Variants in ENPP3 observed in about 807,000 individuals in gnomAD.
ENPP3 encodes ectonucleotide pyrophosphatase/phosphodiesterase 3.
Under a neutral mutation model 117.8 loss-of-function variants are expected in ENPP3, and 104 were observed. That is an observed-to-expected ratio of 0.88 (90% CI 0.75 to 1.04). The LOEUF (loss-of-function observed/expected upper bound fraction) is 1.04. Among genes scored for constraint, ENPP3 ranks in the 50% least tolerant of loss-of-function variants. The pLI is 0.00. For synonymous variants in ENPP3, 380 were observed against 349.9 expected, an observed-to-expected ratio of 1.09 and a Z score of -0.96; for missense variants, 1,026 against 1,051.9, an observed-to-expected ratio of 0.98 and a Z score of 0.34.
At chr6:131,656,926 A>C (rs561112298) in intron 5 of ENPP3, among the ~76,000 whole-genome samples, 3 of 152,154 alleles carry the variant, frequency 2.0e-5, no homozygotes, top group Non-Finnish European at 4.4e-5. Context: ...TGGCCATTAA[A>C]AAAGGGGTGC....
At chr6:131,726,542 TAGA>T (rs1361303643) in intron 20 of ENPP3, among the ~76,000 whole-genome samples, 5 of 152,184 alleles carry the variant, frequency 3.3e-5, no homozygotes, top group Non-Finnish European at 7.3e-5. Context: ...TGGGTGCATG[TAGA>T]AGGTGATGAT....
At chr6:131,743,288 TAGTATAAA>T (rs112409783) in intron 24 of ENPP3, among the ~76,000 whole-genome samples, 30,862 of 151,752 alleles carry the variant, frequency 0.2, 3,438 homozygotes, top group African/African-American at 0.29. Flanking sequence ...ATATGAGAAA[TAGTATAAA>T]ACAGAACTTA....
At chr6:131,741,218 T>C (rs918141906) in intron 24 of ENPP3, among the ~76,000 whole-genome samples, 1 of 152,178 alleles carries the variant, frequency 6.6e-6, no homozygotes, top group Non-Finnish European at 1.5e-5. Context: ...ACTGAAGTCA[T>C]TCAACAAACA....
chr6:131,669,132 G>A (rs960751039), intron 6 of ENPP3, among the ~76,000 whole-genome samples: 1 of 152,108 alleles, frequency 6.6e-6, no homozygotes, highest in Non-Finnish European at 1.5e-5. Flanking sequence ...TCTGTTCATT[G>A]TATGAATTTT....
At chr6:131,725,044 A>C (rs2114538736) in intron 19 of ENPP3, among the ~76,000 whole-genome samples, 1 of 140,126 alleles carries the variant, frequency 7.1e-6, no homozygotes, top group African/African-American at 3.0e-5. Flanking sequence ...CCCCGTCTCT[A>C]CTAAAAATAC....
At chr6:131,645,010 T>C (rs747870834) in intron 2 of ENPP3, among the ~76,000 whole-genome samples, 7 of 152,220 alleles carry the variant, frequency 4.6e-5, no homozygotes, top group South Asian at 4.1e-4. Flanking sequence ...TAGTTTTTCA[T>C]TGAGCACTTT....
intron 19 of ENPP3, among the ~76,000 whole-genome samples, chr6:131,725,282 C>T (rs933099953): frequency 1.3e-5 from 2 of 152,076 alleles, no homozygotes; most frequent in African/African-American, 2.4e-5. Flanking sequence ...AACAAGATGC[C>T]ATAGACTGGG....
chr6:131,739,285 T>C lies in ENPP3; in HGVS notation c.2301-939T>C, dbSNP rs10484769. 0.012 allele frequency among the ~76,000 whole-genome samples: 1,850 copies of C among 152,240 alleles called. 80 individuals carry two copies. The East Asian group carries it at 0.12, about 10-fold the overall frequency. Reference sequence around the variant, plus strand: ...GAGTCAGACTTTGCACTTAAAACTTTTGAAAGCACTTTCATGTTCGTTATC... The same window carrying C: ...GAGTCAGACTTTGCACTTAAAACTTCTGAAAGCACTTTCATGTTCGTTATC... On this transcript the variant is annotated intron_variant, in intron 23 of 24. Coordinates refer to ENST00000357639, the MANE Select transcript of ENPP3 (RefSeq NM_005021.5).
At chr6:131,696,544 A>T (rs765142673) in intron 15 of ENPP3, among the ~76,000 whole-genome samples, 19 of 152,200 alleles carry the variant, frequency 1.2e-4, no homozygotes, top group Non-Finnish European at 2.5e-4. Flanking sequence ...TCGGTTGTAC[A>T]GTGGCATCCT....
chr6:131,737,526 C>T, intron 22 of ENPP3, 94 bp downstream of exon 22: 1 of 734,148 alleles, frequency 1.4e-6, no homozygotes, highest in Non-Finnish European at 2.3e-6. Context: ...CAATTTGTTC[C>T]TGATATTAAG....
chr6:131,689,846 C>T (rs570218260), intron 14 of ENPP3, among the ~76,000 whole-genome samples: 7 of 152,114 alleles, frequency 4.6e-5, no homozygotes, highest in Non-Finnish European at 8.8e-5. Context: ...GTCAAAATAT[C>T]ATCATTAATA....
chr6:131,738,352 C>T (rs1200238149), intron 23 of ENPP3, among the ~76,000 whole-genome samples, 189 bp downstream of exon 23: 1 of 151,800 alleles, frequency 6.6e-6, no homozygotes, highest in Admixed American at 6.6e-5. Context: ...AACTAATGGG[C>T]AAAGAAAACA....
chr6:131,664,129 T>A (rs1778566223), intron 6 of ENPP3, among the ~76,000 whole-genome samples: 1 of 152,156 alleles, frequency 6.6e-6, no homozygotes, highest in Admixed American at 6.5e-5. Flanking sequence ...CAGGAGGTAT[T>A]TCAGAAGAAG....
At chr6:131,680,813 T>C (rs944135119) in intron 11 of ENPP3, among the ~76,000 whole-genome samples, 7 of 152,148 alleles carry the variant, frequency 4.6e-5, no homozygotes, top group African/African-American at 1.4e-4. Flanking sequence ...TTTCCTTTGG[T>C]TGGGTGAGAG....
rs1778932071 is a variant in ENPP3 at position 131,678,907 on chromosome 6, C to CTCTCTTTCTTTCTT, written c.1011+970_1011+971insCTTTCTTTCTTTCT. Among the ~76,000 whole-genome samples, 5 of 71,762 alleles carry CTCTCTTTCTTTCTT rather than the reference C, an allele frequency of 7.0e-5. No homozygotes were observed. In the South Asian group the frequency reaches 1.9e-3, roughly 27 times the overall value. 47.1% of individuals were successfully genotyped at this position (71,762 alleles called of 152,430 possible). A position where few individuals can be genotyped will look rare whatever the true frequency, so the allele number is the denominator to read the frequency against. ...CCTTCTTTTCCCTTTCTTTCTTTCTCTCTTTCTTTCTTTCTTTCTTTCTTT... is the reference window on the plus strand; with the variant it reads ...CCTTCTTTTCCCTTTCTTTCTTTCTCTCTCTTTCTTTCTTTCTTTCTTTCTTTCTTTCTTTCTTT... On this transcript the variant is annotated intron_variant, in intron 11 of 24. Coordinates refer to ENST00000357639, the MANE Select transcript of ENPP3 (RefSeq NM_005021.5).
rs62423415 is a variant in ENPP3 at position 131,691,360 on chromosome 6, G to A, written c.1285-2137G>A. The stretch of plus-strand genomic sequence containing the variant: ...TCCCAGCACTTTGGGAGGCCGAGGC[G>A]GGCGGATCACTTGAGGTCAGGAGTT... On this transcript the variant is annotated intron_variant, in intron 14 of 24. Transcript: ENST00000357639. Among the ~76,000 whole-genome samples, 565 of 152,086 alleles carry A rather than the reference G, an allele frequency of 3.7e-3. 4 individuals are homozygous for A. The highest frequency in any genetic ancestry group is 0.02 in the Middle Eastern group (6 of 294).
chr6:131,670,688 T>C (rs1298907875), intron 6 of ENPP3, among the ~76,000 whole-genome samples: 1 of 152,104 alleles, frequency 6.6e-6, no homozygotes, highest in Non-Finnish European at 1.5e-5. Context: ...AAATGGGGTT[T>C]CATTGTGTTG....
chr6:131,724,595 A>ACT (rs1281132621), intron 19 of ENPP3, among the ~76,000 whole-genome samples: 41 of 152,136 alleles, frequency 2.7e-4, no homozygotes, highest in African/African-American at 9.7e-4. Flanking sequence ...CTTGTATTAA[A>ACT]CTCACTCTGT....
chr6:131,641,799 G>GTTTTTTTTTTTT lies in ENPP3; in HGVS notation c.154+282_154+293dup, dbSNP rs540011427. Among the ~76,000 whole-genome samples the GTTTTTTTTTTTT allele has an allele frequency of 4.8e-4, 31 of 64,066 alleles. 4 individuals carry two copies. Among genetic ancestry groups the GTTTTTTTTTTTT allele is most frequent in the African/African-American group, 1.6e-3 (22 of 13,514 alleles). The allele number at this position is 64,066 out of a possible 152,430, so 42.0% of individuals were successfully genotyped here. On this transcript the variant is annotated intron_variant, in intron 2 of 24. Transcript: ENST00000357639. ...TTTTCTCTTACCTTTCTCCACCCTG[G>GTTTTTTTTTTTT]TTTTTTTTTTTTTTTTTTTTTTTTG...
Sources: gnomAD v4.1 joint callset for allele counts (sites outside exome capture counted in the v4.1 genomes callset) on GRCh38, gnomAD v4.1.1 for gene constraint, MANE v1.5 for transcripts, NCBI Gene and HGNC (gene_info 2026-07-23, HGNC 2026-07-21) for gene names.